Variants in EGFLAM observed in about 807,000 individuals in gnomAD.
The protein encoded by EGFLAM is EGF like, fibronectin type III and laminin G domains.
Under a neutral mutation model 113.1 loss-of-function variants are expected in EGFLAM, and 79 were observed. That is an observed-to-expected ratio of 0.70 (90% CI 0.58 to 0.84). The LOEUF is 0.84. EGFLAM is among the 40% of genes least tolerant of loss of function. The pLI is 0.00. For synonymous variants in EGFLAM, 504 were observed against 487.6 expected (o/e 1.03, Z -0.44); for missense variants, 1,265 against 1,291.6 (o/e 0.98, Z 0.32).
Position 38,352,324 on chromosome 5 carries a change from T to C in EGFLAM, c.538T>C (p.Phe180Leu). Residue 180 changes from phenylalanine (F) to leucine (L), a missense_variant, in exon 5 of 22, where the codon TTC becomes CTC. Phe to Leu is a conservative substitution (Grantham distance 22). Transcript: ENST00000322350. ...SAPIQYYSVE[F>L]IRPDFDKKWT... ...CCCTATTCAGTACTATTCTGTGGAA[T>C]TCATCAGGTAAGTCTGTATGTCACA... The C allele has an allele frequency of 6.2e-7, 1 of 1,614,022 alleles. No homozygotes were observed. Among genetic ancestry groups the C allele is most frequent in the Non-Finnish European group, 8.5e-7 (1 of 1,179,956 alleles).
At chr5:38,350,466 G>A (rs1278332606) in intron 3 of EGFLAM, 35 bp from the exon 4 acceptor site, 2 of 1,599,666 alleles carry the variant, frequency 1.3e-6, no homozygotes, top group South Asian at 2.2e-5. Flanking sequence ...CAGATGTACT[G>A]ATTGTTAGCA....
chr5:38,274,737 A>G (rs192738966), intron 1 of EGFLAM, among the ~76,000 whole-genome samples: 2 of 152,312 alleles, frequency 1.3e-5, no homozygotes, highest in South Asian at 4.1e-4. Context: ...AAGGGTGCCA[A>G]TGAGTAATAA....
At chr5:38,310,118 G>T (rs1317389145) in intron 1 of EGFLAM, among the ~76,000 whole-genome samples, 1 of 152,186 alleles carries the variant, frequency 6.6e-6, no homozygotes, top group African/African-American at 2.4e-5. Flanking sequence ...TTTTAAAGTG[G>T]CTAAACAGAT....
chr5:38,313,862 G>T (rs1738520788), intron 1 of EGFLAM, among the ~76,000 whole-genome samples: 2 of 152,126 alleles, frequency 1.3e-5, no homozygotes, highest in South Asian at 4.1e-4. Context: ...ACCATAAAAT[G>T]TTTTTGTCGT....
rs554284750 is a variant in EGFLAM at position 38,305,527 on chromosome 5, T to C, written c.98-31993T>C. 16 of 447,250 alleles carry C rather than the reference T, an allele frequency of 3.6e-5. 1 individual carries two copies. Among genetic ancestry groups the C allele is most frequent in the South Asian group, 1.8e-4 (11 of 62,392 alleles). The allele number at this position is 447,250 out of a possible 1,614,324, so 27.7% of individuals were successfully genotyped here. ...CAGAAGATCCAATCCAGGAGAGGGA[T>C]ATAAGAAGTCCCCAGAATAATAGTG... On this transcript the variant is annotated intron_variant, in intron 1 of 21. Coordinates refer to ENST00000322350, the MANE Select transcript of EGFLAM (RefSeq NM_152403.4).
intron 1 of EGFLAM, among the ~76,000 whole-genome samples, chr5:38,293,408 A>G (rs1379519801): frequency 1.3e-5 from 2 of 152,236 alleles, no homozygotes; most frequent in Non-Finnish European, 2.9e-5. Flanking sequence ...TGTGCATTGT[A>G]TAAATTTTAA....
intron 1 of EGFLAM, among the ~76,000 whole-genome samples, chr5:38,313,215 A>T (rs1738502637): frequency 6.6e-6 from 1 of 152,162 alleles, no homozygotes; most frequent in African/African-American, 2.4e-5. Flanking sequence ...GCTCTGCATA[A>T]TTTTTTTAGC....
rs1441112747 is a variant in EGFLAM, at chr5:38,338,635, A to G, written c.208-63A>G. 9.3e-6 allele frequency: 14 copies of G among 1,512,882 alleles called. No homozygotes were observed. In the South Asian group the frequency reaches 1.6e-4, roughly 17 times the overall value. The allele number at this position is 1,512,882 out of a possible 1,614,324, so 93.7% of individuals were successfully genotyped here. ...GCCTGCTGCCACTGTGAGTGCAATTACAACCTTTGATCTTACACAAGCACG... is the reference window on the plus strand; with the variant it reads ...GCCTGCTGCCACTGTGAGTGCAATTGCAACCTTTGATCTTACACAAGCACG... On this transcript the variant is annotated intron_variant, in intron 2 of 21. Coordinates refer to ENST00000322350, the MANE Select transcript of EGFLAM (RefSeq NM_152403.4).
chr5:38,418,032 T>A, intron 11 of EGFLAM, 34 bp from the exon 12 acceptor site: 1 of 1,579,418 alleles, frequency 6.3e-7, no homozygotes, highest in African/African-American at 1.4e-5. Context: ...TTTTGTTTAG[T>A]GAGAGTATTC....
At chr5:38,414,178 C>T (rs1741571315) in intron 11 of EGFLAM, among the ~76,000 whole-genome samples, 1 of 152,048 alleles carries the variant, frequency 6.6e-6, no homozygotes, top group African/African-American at 2.4e-5. Flanking sequence ...CCAGTGATTC[C>T]AAAGGATTAA....
Position 38,292,054 on chromosome 5 carries a change from G to A in EGFLAM, c.97+33203G>A, listed in dbSNP as rs80253615. ...CCCTGCTTGTTAATATTGACCTTCA[G>A]TTTGAAATGCTGAGCCCAAGACAGA... On this transcript the variant is annotated intron_variant, in intron 1 of 21. Coordinates refer to ENST00000322350, the MANE Select transcript of EGFLAM (RefSeq NM_152403.4). Among the ~76,000 whole-genome samples the A allele has an allele frequency of 6.9e-3, 1,055 of 152,254 alleles. 19 individuals carry two copies. Among genetic ancestry groups the A allele is most frequent in the African/African-American group, 0.024 (996 of 41,532 alleles).
rs548332060 is a variant in EGFLAM at position 38,258,980 on chromosome 5, CT to C, written c.97+130del. 204 of 1,017,396 alleles carry C rather than the reference CT, an allele frequency of 2.0e-4. 2 individuals carry two copies. In the African/African-American group the frequency reaches 3.2e-3, roughly 16 times the overall value. 63.0% of individuals were successfully genotyped at this position (1,017,396 alleles called of 1,614,324 possible). On this transcript the variant is annotated intron_variant, in intron 1 of 21. Coordinates refer to ENST00000322350, the MANE Select transcript of EGFLAM (RefSeq NM_152403.4). ...AACGTCTGCTTAACTCGCTTCAGCT[CT>C]GCCAGGAGCTGAGAAAAGACGCAAA...
chr5:38,350,384 A>G, intron 3 of EGFLAM, 117 bp from the exon 4 acceptor site: 1 of 991,628 alleles, frequency 1.0e-6, no homozygotes, highest in South Asian at 1.6e-5. Flanking sequence ...AAAGCAAAAC[A>G]TTCTCTGTGC....
intron 17 of EGFLAM, among the ~76,000 whole-genome samples, chr5:38,441,242 GTTC>G (rs1407122724): frequency 5.3e-5 from 8 of 152,124 alleles, no homozygotes; most frequent in Admixed American, 1.3e-4. Flanking sequence ...GAAGCCAGAG[GTTC>G]TTCTTACTCC....
chr5:38,454,396 C>T (rs968292247), intron 19 of EGFLAM, among the ~76,000 whole-genome samples: 1 of 151,998 alleles, frequency 6.6e-6, no homozygotes, highest in Non-Finnish European at 1.5e-5. Flanking sequence ...AGCCTCTGTC[C>T]CCTCCTTGCA....
At chr5:38,404,924 A>G (rs1435416842) in intron 6 of EGFLAM, among the ~76,000 whole-genome samples, 1 of 152,186 alleles carries the variant, frequency 6.6e-6, no homozygotes. Flanking sequence ...GGATCAGTGG[A>G]TTCTGCGGAT....
intron 6 of EGFLAM, 108 bp from the exon 7 acceptor site, chr5:38,406,018 A>G: frequency 1.2e-6 from 1 of 861,698 alleles, no homozygotes; most frequent in South Asian, 1.4e-5. Context: ...TATGTTTCCA[A>G]TACACTGCGT....
chr5:38,284,462 T>C (rs1393693991), intron 1 of EGFLAM, among the ~76,000 whole-genome samples: 1 of 152,240 alleles, frequency 6.6e-6, no homozygotes, highest in East Asian at 1.9e-4. Flanking sequence ...TGATTGCTTT[T>C]CAATAAAACT....
At chr5:38,411,924 G>A (rs1455914558) in intron 10 of EGFLAM, among the ~76,000 whole-genome samples, 1 of 152,022 alleles carries the variant, frequency 6.6e-6, no homozygotes, top group Non-Finnish European at 1.5e-5. Context: ...CTCAGCCTCT[G>A]GAGCAGCTGT....
Sources: allele counts gnomAD v4.1 joint callset (sites outside exome capture counted in the v4.1 genomes callset), GRCh38; gene constraint gnomAD v4.1.1; transcripts MANE v1.5; gene names NCBI Gene and HGNC (gene_info 2026-07-23, HGNC 2026-07-21).